The following ZBBX variants were observed in gnomAD, a reference collection of about 807,000 sequenced individuals.
The protein encoded by ZBBX is zinc finger B-box domain-containing protein 1.
ZBBX carries 101 observed loss-of-function variants against 108.5 expected under a neutral mutation model. The ratio of observed to expected loss-of-function variants is 0.93; its 90% CI spans 0.79 to 1.10. ZBBX has a LOEUF of 1.10. ZBBX is among the 50% of genes least tolerant of loss of function. ZBBX has a pLI of 0.00. For synonymous variants in ZBBX, 356 were observed against 323.4 expected (o/e 1.10, Z -1.08); for missense variants, 1,009 against 941.4 (o/e 1.07, Z -0.94).
In ZBBX at chr3:167,317,258, C is replaced by T. The variant is rs551336682; in HGVS notation, c.1094-153G>A. Among the ~76,000 whole-genome samples, 38 of 151,990 alleles carry T rather than the reference C, an allele frequency of 2.5e-4. 1 individual carries two copies. The highest frequency in any genetic ancestry group is 4.7e-4 in the Non-Finnish European group (32 of 67,940). On this transcript the variant is annotated intron_variant, in intron 13 of 21. Transcript: ENST00000675490. ...CAATTTTCCCAGTTCAAGTGAAATACACATTTATTAGCATTCAATTTTTAA... is the reference window on the plus strand; with the variant it reads ...CAATTTTCCCAGTTCAAGTGAAATATACATTTATTAGCATTCAATTTTTAA...
chr3:167,323,614 T>C (rs893060476), intron 11 of ZBBX, among the ~76,000 whole-genome samples: 1 of 152,126 alleles, frequency 6.6e-6, no homozygotes, highest in African/African-American at 2.4e-5. Flanking sequence ...AAATAAGGTA[T>C]GTAACTTATG....
upstream of ZBBX, among the ~76,000 whole-genome samples, chr3:167,385,089 T>C (rs1175086935): frequency 6.6e-6 from 1 of 152,018 alleles, no homozygotes; most frequent in African/African-American, 2.4e-5. Context: ...AATACAATCA[T>C]GTGTCTCTTA....
intron 4 of ZBBX, among the ~76,000 whole-genome samples, chr3:167,370,701 CG>C (rs1342036904): frequency 6.6e-6 from 1 of 152,028 alleles, no homozygotes; most frequent in Non-Finnish European, 1.5e-5. Context: ...ATGTTATACA[CG>C]GAGCCATAAA....
chr3:167,401,853 A>G lies in ZBBX; in HGVS notation c.-446+5873T>C, dbSNP rs138497292. Among the ~76,000 whole-genome samples, 311 of 152,306 alleles carry G rather than the reference A, an allele frequency of 2.0e-3. 1 individual carries two copies. Among genetic ancestry groups the G allele is most frequent in the Middle Eastern group, 6.8e-3 (2 of 294 alleles). ...GTTCTAGACGGAGTTGCTCTGGTTC[A>G]CACACCTCTGACATTATGAGAATGT... On this transcript the variant is annotated intron_variant, in intron 1 of 21. Transcript: ENST00000455345.
chr3:167,236,757 T>A (rs1406739707), downstream of ZBBX, among the ~76,000 whole-genome samples: 1 of 151,780 alleles, frequency 6.6e-6, no homozygotes, highest in Non-Finnish European at 1.5e-5. Flanking sequence ...CTGAGTTCTG[T>A]GACAATCAAT....
At chr3:167,321,590 T>C (rs557126669) in intron 12 of ZBBX, among the ~76,000 whole-genome samples, 1 of 152,044 alleles carries the variant, frequency 6.6e-6, no homozygotes, top group African/African-American at 2.4e-5. Context: ...CTATTAGAAA[T>C]TCAGAAATAC....
intron 17 of ZBBX, among the ~76,000 whole-genome samples, chr3:167,304,603 A>G (rs1733297144): frequency 6.6e-6 from 1 of 152,172 alleles, no homozygotes; most frequent in Admixed American, 6.6e-5. Context: ...CTTGGCTTCA[A>G]GTTTCCAAGC....
chr3:167,341,822 A>T (rs1431118501), intron 9 of ZBBX, among the ~76,000 whole-genome samples: 1 of 151,978 alleles, frequency 6.6e-6, no homozygotes, highest in Non-Finnish European at 1.5e-5. Flanking sequence ...AATGGATAAC[A>T]TTTTTAGGCA....
chr3:167,274,722 T>C lies in ZBBX; in HGVS notation c.2254+7516A>G, dbSNP rs1727174049. On this transcript the variant is annotated intron_variant, in intron 20 of 21. Transcript: ENST00000675490. ...CATCGTTCCCTTGAAACTGCACGTC[T>C]CACAAGCTCCACCACTGTACCTCAC... is the stretch of plus-strand genomic sequence containing the variant. 2.6e-5 allele frequency among the ~76,000 whole-genome samples: 4 copies of C among 152,304 alleles called. No individual in the cohort carries two copies. The South Asian group carries it at 8.3e-4, about 32-fold the overall frequency.
At chr3:167,282,198 T>A (rs1728929260) in intron 20 of ZBBX, 40 bp downstream of exon 20, 5 of 1,566,544 alleles carry the variant, frequency 3.2e-6, no homozygotes, top group East Asian at 2.2e-5. Context: ...AGGGCAGAGT[T>A]AATTAGCATT....
At position 167,374,097 on chromosome 3, in the gene ZBBX, C is replaced by T. The variant is rs569613750; in HGVS notation, c.-131-310G>A. ...ATATCCAAGGCCGTGCAGAGAGAAACGAAAAGAATCTTTGAGATACAATCT... is the reference window on the plus strand; with the variant it reads ...ATATCCAAGGCCGTGCAGAGAGAAATGAAAAGAATCTTTGAGATACAATCT... On this transcript the variant is annotated intron_variant, in intron 2 of 21. Coordinates refer to ENST00000675490, the MANE Select transcript of ZBBX (RefSeq NM_001199201.2). Among the ~76,000 whole-genome samples, 32 of 151,936 alleles carry T rather than the reference C, an allele frequency of 2.1e-4. No homozygotes were observed. The South Asian group carries it at 2.7e-3, about 13-fold the overall frequency.
At chr3:167,259,685 T>C (rs1166105508) in intron 20 of ZBBX, among the ~76,000 whole-genome samples, 1 of 152,136 alleles carries the variant, frequency 6.6e-6, no homozygotes, top group Admixed American at 6.5e-5. Flanking sequence ...ATTATTGTCA[T>C]TCAGTTTGAA....
chr3:167,204,935 G>A, the ZBBX span, among the ~76,000 whole-genome samples: 1 of 151,886 alleles, frequency 6.6e-6, no homozygotes, highest in Admixed American at 6.6e-5. Flanking sequence ...CAGTTTTCTT[G>A]CAGGAGAAAA....
chr3:167,333,620 A>G (rs1307566455), intron 10 of ZBBX, among the ~76,000 whole-genome samples: 2 of 152,222 alleles, frequency 1.3e-5, no homozygotes, highest in Admixed American at 1.3e-4. Context: ...CATTCACCAA[A>G]AAGAGTAGTG....
At chr3:167,242,420 C>CTA (rs570469314) in intron 21 of ZBBX, 85 bp downstream of exon 21, 3 of 1,166,198 alleles carry the variant, frequency 2.6e-6, no homozygotes, top group Non-Finnish European at 3.6e-6. Flanking sequence ...GACAATCTTT[C>CTA]TATATATAAT....
At chr3:167,223,602 T>A in the ZBBX span, among the ~76,000 whole-genome samples, 1 of 151,930 alleles carries the variant, frequency 6.6e-6, no homozygotes, top group Non-Finnish European at 1.5e-5. Flanking sequence ...TCATGTCAAT[T>A]CTAGCTTTTA....
intron 8 of ZBBX, among the ~76,000 whole-genome samples, chr3:167,355,065 T>C (rs1327097276): frequency 6.6e-6 from 1 of 152,000 alleles, no homozygotes; most frequent in Non-Finnish European, 1.5e-5. Context: ...AATATCCAAC[T>C]GCAGTTTTAA....
chr3:167,383,240 C>T (rs1221147974), upstream of ZBBX, among the ~76,000 whole-genome samples: 6 of 152,038 alleles, frequency 3.9e-5, no homozygotes, highest in Non-Finnish European at 5.9e-5. Flanking sequence ...GTGGGCATTT[C>T]AAGGTAGCAA....
chr3:167,317,426 T>C, intron 13 of ZBBX, 62 bp downstream of exon 13: 1 of 1,246,288 alleles, frequency 8.0e-7, no homozygotes, highest in Non-Finnish European at 1.1e-6. Context: ...TTCTGATTAA[T>C]GCTTAGTGTA....
Sources: allele counts gnomAD v4.1 joint callset (sites outside exome capture counted in the v4.1 genomes callset), GRCh38; gene constraint gnomAD v4.1.1; transcripts MANE v1.5; gene names NCBI Gene and HGNC (gene_info 2026-07-23, HGNC 2026-07-21).